SLCO3A1: variants seen among roughly 807,000 people sequenced by gnomAD.
The protein encoded by SLCO3A1 is solute carrier organic anion transporter family member 3A1.
A neutral mutation model predicts 63.1 loss-of-function variants in SLCO3A1; 27 were observed. That is an observed-to-expected ratio of 0.43 (90% confidence interval 0.32 to 0.59). The LOEUF (loss-of-function observed/expected upper bound fraction) is 0.59, where lower values mean the gene tolerates loss of function less well. Ranked by LOEUF, SLCO3A1 falls within the 20% of genes least tolerant of loss-of-function variation. The pLI is 0.09. For missense variants in SLCO3A1, 773 were observed against 945.8 expected (o/e 0.82, Z 2.40); for synonymous variants, 473 against 409.9 (o/e 1.15, Z -1.86).
intron 2 of SLCO3A1, among the ~76,000 whole-genome samples, chr15:92,012,942 G>A (rs144839144): frequency 1.1e-3 from 161 of 152,292 alleles, no homozygotes; most frequent in African/African-American, 3.7e-3. Context: ...GAACAACTGC[G>A]GTAGCAGGTT....
chr15:91,881,675 C>T (rs1449837263), intron 1 of SLCO3A1, among the ~76,000 whole-genome samples: 3 of 152,118 alleles, frequency 2.0e-5, no homozygotes, highest in Non-Finnish European at 4.4e-5. Flanking sequence ...TGTCAGTCAG[C>T]GAGCCAGTCA....
intron 2 of SLCO3A1, among the ~76,000 whole-genome samples, chr15:92,009,650 T>C (rs1475561937): frequency 2.0e-5 from 3 of 152,142 alleles, no homozygotes; most frequent in African/African-American, 7.2e-5. Flanking sequence ...CTTCCAACAT[T>C]TTGAATGACA....
At chr15:92,037,170 C>T (rs1363857351) in intron 2 of SLCO3A1, among the ~76,000 whole-genome samples, 6 of 152,180 alleles carry the variant, frequency 3.9e-5, no homozygotes, top group Admixed American at 3.9e-4. Context: ...CTCTTGCTTA[C>T]AACCATCATC....
intron 1 of SLCO3A1, chr15:91,908,631 A>G (rs1346243565): frequency 6.6e-6 from 1 of 152,166 alleles, no homozygotes; most frequent in Non-Finnish European, 1.5e-5. Flanking sequence ...CTGCTGCTTC[A>G]TCATGGGGAA....
rs533187093 is a variant in SLCO3A1 at position 91,895,769 on chromosome 15, T to C, written c.181-20224T>C. ...TCTAGCTTTCTTCTATCTAATCTTT[T>C]GAGTTGCCAAGTGCCATGGCATTTA... On this transcript the variant is annotated intron_variant, in intron 1 of 9. Coordinates refer to ENST00000318445, the MANE Select transcript of SLCO3A1 (RefSeq NM_013272.4). Among the ~76,000 whole-genome samples, 5 of 152,372 alleles carry C rather than the reference T, an allele frequency of 3.3e-5. No homozygotes were observed. The East Asian group carries it at 9.6e-4, about 29-fold the overall frequency.
At chr15:92,077,399 C>T (rs968416114) in intron 2 of SLCO3A1, among the ~76,000 whole-genome samples, 2 of 152,200 alleles carry the variant, frequency 1.3e-5, no homozygotes, top group Non-Finnish European at 2.9e-5. Context: ...CACAGACTCC[C>T]ACAGAGTCAT....
Position 92,165,166 on chromosome 15 carries a change from G to A in SLCO3A1, c.*2031G>A. The A allele has an allele frequency of 2.0e-6, 2 of 985,418 alleles. No individual in the cohort carries two copies. Among genetic ancestry groups the A allele is most frequent in the Non-Finnish European group, 2.4e-6 (2 of 829,936 alleles). The allele number at this position is 985,418 out of a possible 1,614,324, so 61.0% of individuals were successfully genotyped here. A position where few individuals can be genotyped will look rare whatever the true frequency, so the allele number is the denominator to read the frequency against. On this transcript the variant is annotated 3_prime_UTR_variant, in exon 10 of 10. Coordinates refer to ENST00000318445, the MANE Select transcript of SLCO3A1 (RefSeq NM_013272.4). ...CAAGACCAACCAAAAGAAAAGCTGTGTCGTGGTATGGGGCCACCGTGATCA... is the reference window on the plus strand; with the variant it reads ...CAAGACCAACCAAAAGAAAAGCTGTATCGTGGTATGGGGCCACCGTGATCA...
At chr15:91,952,225 CTG>C (rs1900023874) in intron 2 of SLCO3A1, among the ~76,000 whole-genome samples, 1 of 152,172 alleles carries the variant, frequency 6.6e-6, no homozygotes, top group African/African-American at 2.4e-5. Flanking sequence ...AGTTTTTTAA[CTG>C]TTGAGTTGTA....
At position 91,894,803 on chromosome 15, in the gene SLCO3A1, A is replaced by T. The variant is rs1180958192; in HGVS notation, c.181-21190A>T. ...ACTGAGCAAGGGCTTACTCACCCTC[A>T]CCCTGCACATGCTTCTGCCACACAG... On this transcript the variant is annotated intron_variant, in intron 1 of 9. Coordinates refer to ENST00000318445, the MANE Select transcript of SLCO3A1 (RefSeq NM_013272.4). The surrounding 1 kb of genome is among the most constrained non-coding windows in gnomAD (Gnocchi z 4.8). Among the ~76,000 whole-genome samples, 1 of 152,084 alleles carries T rather than the reference A, an allele frequency of 6.6e-6. No individual in the cohort carries two copies. The highest frequency in any genetic ancestry group is 1.5e-5 in the Non-Finnish European group (1 of 68,018).
intron 2 of SLCO3A1, among the ~76,000 whole-genome samples, chr15:91,928,105 C>T (rs80259320): frequency 0.065 from 9,872 of 152,264 alleles, 466 homozygotes; most frequent in Non-Finnish European, 0.099. Context: ...TTTTAAATAT[C>T]AGCCTTGTTA....
chr15:91,950,259 TGTG>T lies in SLCO3A1; in HGVS notation c.646+33802_646+33804del, dbSNP rs1393040838. Among the ~76,000 whole-genome samples the T allele has an allele frequency of 6.6e-6, 1 of 151,986 alleles. No individual in the cohort carries two copies. The highest frequency in any genetic ancestry group is 1.5e-5 in the Non-Finnish European group (1 of 67,990). ...CCTGCTGTGGCCAGAGATTCGGGTGTGTGTATTGTGGAGGGGATTGCAGGGGGC... is the reference window on the plus strand; with the variant it reads ...CCTGCTGTGGCCAGAGATTCGGGTGTTATTGTGGAGGGGATTGCAGGGGGC... On this transcript the variant is annotated intron_variant, in intron 2 of 9. Transcript: ENST00000318445. This position sits in a 1 kb window ranked among gnomAD's most constrained non-coding sequence, Gnocchi z 4.4.
chr15:92,108,895 A>G lies in SLCO3A1; in HGVS notation c.1009+4353A>G, dbSNP rs79856896. On this transcript the variant is annotated intron_variant, in intron 4 of 9. Coordinates refer to ENST00000318445, the MANE Select transcript of SLCO3A1 (RefSeq NM_013272.4). ...GGTTAGCTGCATTCCTCTGAGTTCCACAGAATCCCTGCAAAGCACCTGGGA... is the reference window on the plus strand; with the variant it reads ...GGTTAGCTGCATTCCTCTGAGTTCCGCAGAATCCCTGCAAAGCACCTGGGA... 4.1e-4 allele frequency among the ~76,000 whole-genome samples: 63 copies of G among 151,858 alleles called. No individual in the cohort carries two copies. In the East Asian group the frequency reaches 0.012, roughly 28 times the overall value.
intron 4 of SLCO3A1, among the ~76,000 whole-genome samples, chr15:92,108,296 C>T (rs569972928): frequency 3.9e-5 from 6 of 152,338 alleles, no homozygotes; most frequent in South Asian, 2.1e-4. Context: ...TTCTCAGCTG[C>T]GCCACCAAAT....
chr15:91,880,389 C>CTG (rs1358208114), intron 1 of SLCO3A1, among the ~76,000 whole-genome samples: 8 of 103,704 alleles, frequency 7.7e-5, no homozygotes, highest in African/African-American at 4.5e-4. Context: ...GCTTCTCTCT[C>CTG]TCTCTCTCTC....
chr15:91,945,679 A>T lies in SLCO3A1; in HGVS notation c.646+29221A>T, dbSNP rs138685346. On this transcript the variant is annotated intron_variant, in intron 2 of 9. Transcript: ENST00000318445. Reference sequence around the variant, plus strand: ...CACAGGGCCTGGCTGGCTGCAGGAAAGTTTCAGAGTGCTTTTCTGAGTGTA... The same window carrying T: ...CACAGGGCCTGGCTGGCTGCAGGAATGTTTCAGAGTGCTTTTCTGAGTGTA... Among the ~76,000 whole-genome samples the T allele has an allele frequency of 3.4e-3, 514 of 152,350 alleles. 1 individual carries two copies. Among genetic ancestry groups the T allele is most frequent in the African/African-American group, 0.012 (496 of 41,582 alleles).
intron 2 of SLCO3A1, among the ~76,000 whole-genome samples, chr15:91,970,882 T>C (rs1047057690): frequency 6.6e-6 from 1 of 152,048 alleles, no homozygotes; most frequent in Non-Finnish European, 1.5e-5. Flanking sequence ...GAAGGGTGTG[T>C]GTGTTTGTGT....
At chr15:91,953,991 T>G (rs1453475898) in intron 2 of SLCO3A1, among the ~76,000 whole-genome samples, 1 of 152,218 alleles carries the variant, frequency 6.6e-6, no homozygotes, top group African/African-American at 2.4e-5. Context: ...GATCTTGTTT[T>G]TAAATAGGGG....
At chr15:92,083,082 G>A (rs974416561) in intron 2 of SLCO3A1, among the ~76,000 whole-genome samples, 22 of 152,184 alleles carry the variant, frequency 1.4e-4, no homozygotes, top group African/African-American at 5.1e-4. Context: ...TTTTCCCCCT[G>A]CTGAATGCAT....
intron 7 of SLCO3A1, among the ~76,000 whole-genome samples, chr15:92,130,176 T>C (rs2047975337): frequency 6.6e-6 from 1 of 152,236 alleles, no homozygotes; most frequent in Non-Finnish European, 1.5e-5. Context: ...ATCTTAAAAA[T>C]TGCATTTCCC....
Sources: gnomAD v4.1 joint callset for allele counts (sites outside exome capture counted in the v4.1 genomes callset) on GRCh38, gnomAD v4.1.1 for gene constraint, Gnocchi (gnomAD v3.1) non-coding constraint, MANE v1.5 for transcripts, NCBI Gene and HGNC (gene_info 2026-07-23, HGNC 2026-07-21) for gene names.